Variants in MYO1D observed in about 807,000 individuals in gnomAD.
MYO1D encodes myosin ID, also known as unconventional myosin-Id.
MYO1D carries 83 observed loss-of-function variants against 122.0 expected under a neutral mutation model. That is an observed-to-expected ratio of 0.68 (90% CI 0.57 to 0.82). The LOEUF (loss-of-function observed/expected upper bound fraction) is 0.82, where lower values mean the gene tolerates loss of function less well. Among genes scored for constraint, MYO1D ranks in the 40% least tolerant of loss-of-function variants. MYO1D has a pLI of 0.00. For synonymous variants in MYO1D, 464 were observed against 446.9 expected (o/e 1.04, Z -0.48); for missense variants, 1,157 against 1,269.5 (o/e 0.91, Z 1.35).
intron 16 of MYO1D, among the ~76,000 whole-genome samples, chr17:32,687,616 T>C (rs558786946): frequency 4.5e-4 from 69 of 152,340 alleles, no homozygotes; most frequent in African/African-American, 1.4e-3. Context: ...GTGCTGGGAT[T>C]ACAGGCGTGA....
chr17:32,713,714 G>A lies in MYO1D; in HGVS notation c.1914-1519C>T, dbSNP rs183172886. ...GCGATCTCAGCTCACTGCAACCCCC[G>A]CCTCCCGGTCCAAGTGATTCTCCTG... is the stretch of plus-strand genomic sequence containing the variant. On this transcript the variant is annotated intron_variant, in intron 15 of 21. Coordinates refer to ENST00000318217, the MANE Select transcript of MYO1D (RefSeq NM_015194.3). Among the ~76,000 whole-genome samples the A allele has an allele frequency of 1.3e-3, 197 of 152,096 alleles. 1 individual carries two copies. Among genetic ancestry groups the A allele is most frequent in the African/African-American group, 4.5e-3 (185 of 41,486 alleles).
At chr17:32,838,930 T>C (rs2090852425) in intron 1 of MYO1D, among the ~76,000 whole-genome samples, 1 of 152,164 alleles carries the variant, frequency 6.6e-6, no homozygotes, top group South Asian at 2.1e-4. Context: ...CCAATCCAAT[T>C]GTGATTTTAT....
intron 21 of MYO1D, among the ~76,000 whole-genome samples, chr17:32,551,556 CCACACACACA>C (rs56031542): frequency 8.6e-5 from 13 of 150,340 alleles, no homozygotes; most frequent in Non-Finnish European, 1.5e-4. Context: ...CATCCCACTG[CCACACACACA>C]CACACACACA....
At chr17:32,606,902 G>A (rs958283917) in intron 20 of MYO1D, among the ~76,000 whole-genome samples, 1 of 152,226 alleles carries the variant, frequency 6.6e-6, no homozygotes, top group Non-Finnish European at 1.5e-5. Flanking sequence ...GCTCACGCCT[G>A]TAATCCCAGC....
intron 16 of MYO1D, among the ~76,000 whole-genome samples, chr17:32,661,350 T>C (rs944123275): frequency 6.6e-6 from 1 of 152,212 alleles, no homozygotes; most frequent in African/African-American, 2.4e-5. Context: ...CCATATTTAC[T>C]GTCATATTTA....
In MYO1D at chr17:32,755,629, G is replaced by A. The variant is rs780794686; in HGVS notation, c.1330C>T (p.Leu444Phe). The A allele has an allele frequency of 6.2e-7, 1 of 1,613,582 alleles. No individual in the cohort carries two copies. Among genetic ancestry groups the A allele is most frequent in the Non-Finnish European group, 8.5e-7 (1 of 1,179,744 alleles). The change falls in exon 11 of 22, where the codon CTC (leucine) becomes TTC (phenylalanine). Residue 444 changes from leucine to phenylalanine, a missense_variant. Physicochemically the swap from Leu to Phe is conservative, Grantham distance 22. Transcript: ENST00000318217. ...ATCCCTTTGTGCTGTTGCTCCACGAGGTCAACAATGATCTGATTGTTGAAG... is the reference window on the plus strand; with the variant it reads ...ATCCCTTTGTGCTGTTGCTCCACGAAGTCAACAATGATCTGATTGTTGAAG... Reference protein sequence around the residue: ...DYFNNQIIVDLVEQQHKGIIA... With the variant: ...DYFNNQIIVDFVEQQHKGIIA...
At chr17:32,656,104 G>A (rs1278063390) in intron 17 of MYO1D, among the ~76,000 whole-genome samples, 1 of 152,168 alleles carries the variant, frequency 6.6e-6, no homozygotes, top group Non-Finnish European at 1.5e-5. Context: ...CCCTAGCCCT[G>A]CACGATGCTT....
chr17:32,663,813 T>C (rs2150956473), intron 16 of MYO1D, among the ~76,000 whole-genome samples: 1 of 152,324 alleles, frequency 6.6e-6, no homozygotes, highest in South Asian at 2.1e-4. Flanking sequence ...TAGTACGACT[T>C]TTCAGAATTT....
At chr17:32,602,023 C>T (rs2087568230) in intron 21 of MYO1D, among the ~76,000 whole-genome samples, 1 of 152,204 alleles carries the variant, frequency 6.6e-6, no homozygotes, top group African/African-American at 2.4e-5. Flanking sequence ...CTGGCTTCAA[C>T]TCATGGTGAT....
intron 15 of MYO1D, among the ~76,000 whole-genome samples, chr17:32,714,012 A>G (rs1322913047): frequency 6.6e-6 from 1 of 150,442 alleles, no homozygotes; most frequent in Non-Finnish European, 1.5e-5. Flanking sequence ...TGTGCCTTAC[A>G]TGAATCTTTA....
intron 15 of MYO1D, among the ~76,000 whole-genome samples, chr17:32,720,114 TG>T (rs201904189): frequency 0.015 from 2,244 of 152,238 alleles, 44 homozygotes; most frequent in African/African-American, 0.048. Flanking sequence ...TATTCATTTT[TG>T]GGGGGAAAAC....
chr17:32,686,291 T>C (rs1186054398), intron 16 of MYO1D: 2 of 152,216 alleles, frequency 1.3e-5, no homozygotes, highest in African/African-American at 2.4e-5. Context: ...GAAGGCACTG[T>C]GACCATGGAG....
chr17:32,568,838 G>A (rs1597903008), intron 21 of MYO1D, among the ~76,000 whole-genome samples: 1 of 152,166 alleles, frequency 6.6e-6, no homozygotes, highest in African/African-American at 2.4e-5. Context: ...AGAGCAGCTC[G>A]AAGTGCAGTT....
intron 19 of MYO1D, among the ~76,000 whole-genome samples, chr17:32,650,856 A>G (rs547281893): frequency 1.3e-5 from 2 of 152,224 alleles, no homozygotes; most frequent in South Asian, 4.2e-4. Context: ...TGTTAATTCT[A>G]TCATCTATAT....
chr17:32,547,407 C>T (rs1299181331), intron 21 of MYO1D, among the ~76,000 whole-genome samples: 1 of 152,210 alleles, frequency 6.6e-6, no homozygotes, highest in Non-Finnish European at 1.5e-5. Context: ...CCCAGTTTTA[C>T]AGCTAAGGAA....
At chr17:32,536,300 G>A (rs1910663656) in intron 21 of MYO1D, among the ~76,000 whole-genome samples, 1 of 151,880 alleles carries the variant, frequency 6.6e-6, no homozygotes, top group Admixed American at 6.6e-5. Context: ...CTCCCAAAGT[G>A]CTGGGATTGC....
chr17:32,572,977 T>C (rs2087245094), intron 21 of MYO1D, among the ~76,000 whole-genome samples: 1 of 152,120 alleles, frequency 6.6e-6, no homozygotes, highest in Admixed American at 6.5e-5. Context: ...TTCTTAGCGT[T>C]CATACCCCTT....
intron 1 of MYO1D, among the ~76,000 whole-genome samples, chr17:32,842,327 C>T (rs1434251400): frequency 6.6e-6 from 1 of 152,040 alleles, no homozygotes; most frequent in Non-Finnish European, 1.5e-5. Flanking sequence ...GGATGTGAAG[C>T]GTAAGTTACT....
At chr17:32,736,510 C>T (rs79984440) in intron 14 of MYO1D, among the ~76,000 whole-genome samples, 3,827 of 152,304 alleles carry the variant, frequency 0.025, 165 homozygotes, top group African/African-American at 0.086. Flanking sequence ...AACTTTGGAG[C>T]TGCCATGCCA....
Sources: allele counts gnomAD v4.1 joint callset (sites outside exome capture counted in the v4.1 genomes callset), GRCh38; gene constraint gnomAD v4.1.1; transcripts MANE v1.5; gene names NCBI Gene and HGNC (gene_info 2026-07-23, HGNC 2026-07-21).